The following UGGT2 variants were observed in gnomAD, a reference collection of about 807,000 sequenced individuals.
The protein encoded by UGGT2 is UDP-glucose:glycoprotein glucosyltransferase 2.
In UGGT2, 180 loss-of-function variants were observed where a neutral mutation model predicts 192.1. The ratio of observed to expected loss-of-function variants is 0.94; its 90% CI spans 0.83 to 1.06. UGGT2 has a LOEUF of 1.06. Ranked by LOEUF, UGGT2 falls within the 50% of genes least tolerant of loss-of-function variation. The pLI is 0.00. For missense variants in UGGT2, 1,849 were observed against 1,795.7 expected (o/e 1.03, Z -0.54); for synonymous variants, 580 against 591.0 (o/e 0.98, Z 0.27).
chr13:95,913,091 G>A (rs1389924806), intron 20 of UGGT2, among the ~76,000 whole-genome samples: 1 of 152,176 alleles, frequency 6.6e-6, no homozygotes, highest in African/African-American at 2.4e-5. Flanking sequence ...ATTAATTCAA[G>A]ATGGATTAGA....
rs191901504 is a variant in UGGT2, at chr13:95,940,674, C to T, written c.1678-583G>A. On this transcript the variant is annotated intron_variant, in intron 15 of 38. Coordinates refer to ENST00000376747, the MANE Select transcript of UGGT2 (RefSeq NM_020121.4). ...CTTGCCATGTTGCTTAGGCTGGTATCGAATTCCTGGGCTCAAGCAATCCAC... is the reference window on the plus strand; with the variant it reads ...CTTGCCATGTTGCTTAGGCTGGTATTGAATTCCTGGGCTCAAGCAATCCAC... Among the ~76,000 whole-genome samples, 523 of 150,890 alleles carry T rather than the reference C, an allele frequency of 3.5e-3. 3 individuals carry two copies. Among genetic ancestry groups the T allele is most frequent in the Non-Finnish European group, 6.6e-3 (442 of 67,278 alleles).
At position 95,823,543 on chromosome 13, in the gene UGGT2, CT is replaced by C. The variant is rs1885709079; in HGVS notation, c.4528+9383del. On this transcript the variant is annotated intron_variant, in intron 38 of 38. Coordinates refer to ENST00000376747, the MANE Select transcript of UGGT2 (RefSeq NM_020121.4). ...CCTTGTCTTTTTTCACTGCTGATGCCTTAAAGTCTGTTTTGTCTGATATAAG... is the reference window on the plus strand; with the variant it reads ...CCTTGTCTTTTTTCACTGCTGATGCCTAAAGTCTGTTTTGTCTGATATAAG... 2.6e-5 allele frequency among the ~76,000 whole-genome samples: 4 copies of C among 151,992 alleles called. No homozygotes were observed. In the South Asian group the frequency reaches 8.3e-4, roughly 32 times the overall value.
chr13:95,945,226 T>C (rs190480053), intron 15 of UGGT2, among the ~76,000 whole-genome samples: 2 of 152,064 alleles, frequency 1.3e-5, no homozygotes, highest in Non-Finnish European at 2.9e-5. Flanking sequence ...CTTATATTCT[T>C]CTCTCTTTAT....
rs186851188 is a variant in UGGT2 at position 96,020,882 on chromosome 13, T to C, written c.485+2158A>G. On this transcript the variant is annotated intron_variant, in intron 4 of 38. Transcript: ENST00000376747. ...AGTTAGCCTTTTATTCTTTTATGGATTCTGATAGAAGACATAAGACAGACT... is the reference window on the plus strand; with the variant it reads ...AGTTAGCCTTTTATTCTTTTATGGACTCTGATAGAAGACATAAGACAGACT... 3.9e-5 allele frequency among the ~76,000 whole-genome samples: 6 copies of C among 152,312 alleles called. No individual in the cohort carries two copies. The East Asian group carries it at 1.2e-3, about 29-fold the overall frequency.
chr13:96,045,020 C>T (rs1448703813), intron 1 of UGGT2, among the ~76,000 whole-genome samples: 1 of 151,922 alleles, frequency 6.6e-6, no homozygotes, highest in African/African-American at 2.4e-5. Context: ...AATACCAAAA[C>T]CAGGAAAAAA....
At chr13:96,015,367 T>C (rs1434219930) in intron 4 of UGGT2, among the ~76,000 whole-genome samples, 1 of 150,972 alleles carries the variant, frequency 6.6e-6, no homozygotes, top group Admixed American at 6.6e-5. Context: ...AAAGGAAAAA[T>C]TAGAGGAAAT....
chr13:95,851,148 G>GAAT, intron 36 of UGGT2, among the ~76,000 whole-genome samples: 1 of 152,288 alleles, frequency 6.6e-6, no homozygotes. Flanking sequence ...TTCCATGTTA[G>GAAT]AATTAGGTGG....
chr13:95,835,411 C>T (rs943558440), intron 37 of UGGT2, among the ~76,000 whole-genome samples: 1 of 152,210 alleles, frequency 6.6e-6, no homozygotes, highest in African/African-American at 2.4e-5. Flanking sequence ...TGAGCCACAA[C>T]AGAACCCTAA....
intron 5 of UGGT2, among the ~76,000 whole-genome samples, chr13:96,009,403 G>T (rs186288465): frequency 6.6e-6 from 1 of 152,142 alleles, no homozygotes; most frequent in African/African-American, 2.4e-5. Context: ...GAGTAAACAC[G>T]CAACCTACAG....
At chr13:95,996,180 G>A (rs1422948174) in intron 6 of UGGT2, 45 bp from the exon 7 acceptor site, 1 of 1,534,384 alleles carries the variant, frequency 6.5e-7, no homozygotes, top group East Asian at 2.3e-5. Flanking sequence ...AATATTTTCA[G>A]ACTGGGAAAA....
At chr13:95,868,090 T>C (rs930038206) in intron 29 of UGGT2, among the ~76,000 whole-genome samples, 5 of 152,208 alleles carry the variant, frequency 3.3e-5, no homozygotes, top group Admixed American at 6.5e-5. Flanking sequence ...TTGAATTTTG[T>C]TGAAGGGGAA....
chr13:95,819,942 G>C (rs1428219933), intron 38 of UGGT2, among the ~76,000 whole-genome samples: 1 of 152,216 alleles, frequency 6.6e-6, no homozygotes, highest in Non-Finnish European at 1.5e-5. Context: ...CAGATCACTT[G>C]AGGCCAGGAG....
chr13:95,846,544 C>T (rs890920457), intron 36 of UGGT2, among the ~76,000 whole-genome samples: 1 of 152,174 alleles, frequency 6.6e-6, no homozygotes. Flanking sequence ...ATTTTCCTTT[C>T]TTATAATATC....
intron 29 of UGGT2, among the ~76,000 whole-genome samples, chr13:95,871,051 C>CA (rs1354650360): frequency 6.6e-6 from 1 of 151,940 alleles, no homozygotes; most frequent in Non-Finnish European, 1.5e-5. Flanking sequence ...GTTACAGCAG[C>CA]AAAAAATGGC....
intron 1 of UGGT2, among the ~76,000 whole-genome samples, 200 bp from the exon 2 acceptor site, chr13:96,032,171 T>C (rs540216182): frequency 2.0e-5 from 3 of 152,302 alleles, no homozygotes; most frequent in East Asian, 3.9e-4. Flanking sequence ...CATTCTCAAC[T>C]ATAAACATAT....
intron 7 of UGGT2, among the ~76,000 whole-genome samples, chr13:95,994,227 T>G (rs2051548031): frequency 6.6e-6 from 1 of 151,970 alleles, no homozygotes; most frequent in South Asian, 2.1e-4. Context: ...ATTTATCATA[T>G]GAAAAGTGAT....
At chr13:96,034,041 C>T (rs762864528) in intron 1 of UGGT2, among the ~76,000 whole-genome samples, 5 of 152,164 alleles carry the variant, frequency 3.3e-5, no homozygotes, top group Non-Finnish European at 7.3e-5. Context: ...TTGTCCCGGC[C>T]TACCCAGGGC....
At chr13:95,906,411 G>C (rs979434206) in intron 20 of UGGT2, among the ~76,000 whole-genome samples, 1 of 152,042 alleles carries the variant, frequency 6.6e-6, no homozygotes, top group Non-Finnish European at 1.5e-5. Context: ...AATCAATAAA[G>C]ATTATACAAT....
intron 1 of UGGT2, among the ~76,000 whole-genome samples, chr13:96,045,306 C>G (rs561160333): frequency 5.2e-4 from 79 of 152,222 alleles, no homozygotes; most frequent in African/African-American, 1.8e-3. Context: ...TTAAAACTCT[C>G]AACAAAATCG....
Sources: gnomAD v4.1 joint callset for allele counts (sites outside exome capture counted in the v4.1 genomes callset) on GRCh38, gnomAD v4.1.1 for gene constraint, MANE v1.5 for transcripts, NCBI Gene and HGNC (gene_info 2026-07-23, HGNC 2026-07-21) for gene names.